PROCR: variants seen among roughly 807,000 people sequenced by gnomAD.
The protein encoded by PROCR is protein C receptor.
In PROCR, 22 loss-of-function variants were observed where a neutral mutation model predicts 24.2. That is an observed-to-expected ratio of 0.91 (90% CI 0.65 to 1.30). The LOEUF is 1.30. Ranked by LOEUF, PROCR falls within the 50% of genes most tolerant of loss-of-function variation. The pLI is 0.00. For missense variants in PROCR, 288 were observed against 307.7 expected (o/e 0.94, Z 0.48); for synonymous variants, 137 against 139.2 (o/e 0.98, Z 0.11).
chr20:35,179,189 C>T (rs1284815268), downstream of PROCR, among the ~76,000 whole-genome samples: 4 of 145,226 alleles, frequency 2.8e-5, no homozygotes, highest in East Asian at 2.0e-4. Context: ...GCCGAGATCA[C>T]GCCACTGCAC....
chr20:35,203,837 A>C (rs1313586016), intron 1 of PROCR, among the ~76,000 whole-genome samples: 1 of 152,052 alleles, frequency 6.6e-6, no homozygotes, highest in Non-Finnish European at 1.5e-5. Context: ...GATAGAAAAA[A>C]GAAAGGCCTC....
Position 35,177,107 on chromosome 20 carries a change from A to G in PROCR, c.*294A>G, listed in dbSNP as rs951736836. 2 of 1,215,150 alleles carry G rather than the reference A, an allele frequency of 1.6e-6. 1 individual carries two copies. The highest frequency in any genetic ancestry group is 7.3e-4 in the Middle Eastern group (2 of 2,752). 75.3% of individuals were successfully genotyped at this position (1,215,150 alleles called of 1,614,324 possible). ...AACAGATAATGGAGTTGGGGCAGGA[A>G]GCCTATGGCCCATCCTCCAAAGACA... On this transcript the variant is annotated 3_prime_UTR_variant, in exon 4 of 4. Coordinates refer to ENST00000216968, the MANE Select transcript of PROCR (RefSeq NM_006404.5).
chr20:35,209,689 G>C (rs972704240), intron 1 of PROCR, among the ~76,000 whole-genome samples: 4 of 152,292 alleles, frequency 2.6e-5, no homozygotes, highest in Admixed American at 2.0e-4. Flanking sequence ...CAGGGGAAGT[G>C]TATTTCAAAA....
intron 1 of PROCR, among the ~76,000 whole-genome samples, chr20:35,194,861 C>T (rs2086202945): frequency 6.6e-6 from 1 of 152,164 alleles, no homozygotes; most frequent in South Asian, 2.1e-4. Context: ...AACTAGTCAC[C>T]ATCCAGATAA....
At chr20:35,201,180 A>AG (rs1180340549) in intron 1 of PROCR, among the ~76,000 whole-genome samples, 28 of 150,542 alleles carry the variant, frequency 1.9e-4, no homozygotes, top group Non-Finnish European at 2.5e-4. Context: ...AAAAAAAAAA[A>AG]CCACAAAAGA....
intron 1 of PROCR, among the ~76,000 whole-genome samples, chr20:35,194,742 C>G (rs2086201512): frequency 2.0e-5 from 3 of 151,688 alleles, no homozygotes; most frequent in Admixed American, 2.0e-4. Flanking sequence ...GGGGTAGATT[C>G]AAACAGCCTA....
chr20:35,181,719 C>A (rs764290176), downstream of PROCR, among the ~76,000 whole-genome samples: 1 of 152,182 alleles, frequency 6.6e-6, no homozygotes, highest in Non-Finnish European at 1.5e-5. Context: ...AAAAACGGAA[C>A]GCCTCCTGCT....
intron 1 of PROCR, among the ~76,000 whole-genome samples, chr20:35,212,705 T>C (rs2060366870): frequency 6.6e-6 from 1 of 152,238 alleles, no homozygotes; most frequent in African/African-American, 2.4e-5. Flanking sequence ...AATGAGGCAA[T>C]TGAATAATTT....
chr20:35,176,636 G>T, intron 3 of PROCR, 62 bp from the exon 4 acceptor site: 2 of 1,570,196 alleles, frequency 1.3e-6, no homozygotes, highest in South Asian at 2.3e-5. Context: ...TTTGGGGTTT[G>T]ACTCAAATCA....
At chr20:35,211,528 G>C (rs1421224508) in intron 1 of PROCR, among the ~76,000 whole-genome samples, 1 of 152,112 alleles carries the variant, frequency 6.6e-6, no homozygotes, top group African/African-American at 2.4e-5. Context: ...GTGTAACTGT[G>C]AAGCAATATA....
intron 1 of PROCR, among the ~76,000 whole-genome samples, chr20:35,187,862 G>A (rs1312000483): frequency 2.0e-5 from 3 of 152,166 alleles, no homozygotes; most frequent in Non-Finnish European, 2.9e-5. Context: ...AGTCCAGATG[G>A]CTGACAGGAC....
At chr20:35,200,901 G>A (rs1192260482) in intron 1 of PROCR, among the ~76,000 whole-genome samples, 1 of 152,130 alleles carries the variant, frequency 6.6e-6, no homozygotes, top group Non-Finnish European at 1.5e-5. Flanking sequence ...ACCTGCCTCG[G>A]CCTCACAAAT....
Position 35,185,192 on chromosome 20 carries a change from C to T in PROCR, c.94+8746C>T, listed in dbSNP as rs187004328. ...AATCAAAACCACAAAGCGATACCAC[C>T]GTACTCCCATAAGAATGGCCATAAT... On this transcript the variant is annotated intron_variant, in intron 1 of 1. Transcript: ENST00000634509. Among the ~76,000 whole-genome samples the T allele has an allele frequency of 2.8e-4, 43 of 152,198 alleles. No homozygotes were observed. In the East Asian group the frequency reaches 6.4e-3, roughly 23 times the overall value.
intron 1 of PROCR, among the ~76,000 whole-genome samples, chr20:35,214,907 CTTT>C (rs71198708): frequency 2.5e-5 from 3 of 119,508 alleles, no homozygotes; most frequent in Non-Finnish European, 3.4e-5. Flanking sequence ...TTTTCTTTTT[CTTT>C]TTTTTTTTTT....
chr20:35,183,610 A>G (rs2086098054), intron 1 of PROCR, among the ~76,000 whole-genome samples: 1 of 152,200 alleles, frequency 6.6e-6, no homozygotes, highest in Non-Finnish European at 1.5e-5. Flanking sequence ...CTAATATAGT[A>G]TCAGAGCTAG....
intron 1 of PROCR, chr20:35,201,661 C>A (rs2060318783): frequency 1.3e-5 from 2 of 150,588 alleles, no homozygotes; most frequent in South Asian, 4.2e-4. Context: ...GCATTCCAGC[C>A]TGGGCGGCAG....
At chr20:35,188,937 TCTTTA>T (rs1275207781) in intron 1 of PROCR, among the ~76,000 whole-genome samples, 2 of 152,228 alleles carry the variant, frequency 1.3e-5, no homozygotes, top group Non-Finnish European at 2.9e-5. Flanking sequence ...CCTATGCCTG[TCTTTA>T]CTTTAATCTC....
rs779172774 is a variant in PROCR at position 35,174,729 on chromosome 20, TCTC to T, written c.101_103del (p.Ser34del). ...CTCCAAAGACTTCATATGCTCCAGA[TCTC>T]CTACTTCCGCGACCCCTATCACGTG... On this transcript the variant is annotated inframe_deletion, in exon 2 of 4. Transcript: ENST00000216968. 1 of 1,613,856 alleles carries T rather than the reference TCTC, an allele frequency of 6.2e-7. No homozygotes were observed. Among genetic ancestry groups the T allele is most frequent in the East Asian group, 2.2e-5 (1 of 44,866 alleles).
intron 1 of PROCR, among the ~76,000 whole-genome samples, chr20:35,182,881 GGA>G (rs1600739351): frequency 6.6e-6 from 1 of 151,358 alleles, no homozygotes; most frequent in South Asian, 2.1e-4. Flanking sequence ...GGCTAAGGAA[GGA>G]GAGTAGCTTG....
Sources: gnomAD v4.1 joint callset for allele counts (sites outside exome capture counted in the v4.1 genomes callset) on GRCh38, gnomAD v4.1.1 for gene constraint, MANE v1.5 for transcripts, NCBI Gene and HGNC (gene_info 2026-07-23, HGNC 2026-07-21) for gene names.